The following PLS3 variants were observed in gnomAD, a reference collection of about 807,000 sequenced individuals.
The protein encoded by PLS3 is plastin-3.
PLS3 carries 11 observed loss-of-function variants against 46.5 expected under a neutral mutation model. The observed-to-expected ratio is 0.24, with a 90% CI of 0.15 to 0.39. The LOEUF (loss-of-function observed/expected upper bound fraction) is 0.39, where lower values mean the gene tolerates loss of function less well. Among genes scored for constraint, PLS3 ranks in the 10% least tolerant of loss-of-function variants. PLS3 has a pLI of 1.00. For missense variants in PLS3, 308 were observed against 461.8 expected (o/e 0.67, Z 3.05); for synonymous variants, 167 against 162.2 (o/e 1.03, Z -0.22).
chrX:115,618,532 G>C (rs2074618739), intron 2 of PLS3, among the ~76,000 whole-genome samples: 1 of 111,642 alleles, frequency 9.0e-6, no homozygotes, highest in Admixed American at 9.5e-5. Flanking sequence ...GCTGCAGTGA[G>C]CTATGATTGT....
intron 1 of PLS3, among the ~76,000 whole-genome samples, chrX:115,593,921 A>G (rs1396047815): frequency 3.6e-5 from 4 of 111,031 alleles, no homozygotes; most frequent in Admixed American, 9.6e-5. Flanking sequence ...ATGGGTTTTG[A>G]AATCCTAATT....
At chrX:115,571,254 A>G (rs1298483989) in intron 1 of PLS3, among the ~76,000 whole-genome samples, 2 of 110,737 alleles carry the variant, frequency 1.8e-5, no homozygotes, top group East Asian at 2.9e-4. Context: ...ACAGTGGTTT[A>G]CGCGTGTAAT....
intron 1 of PLS3, among the ~76,000 whole-genome samples, chrX:115,582,173 A>G (rs2074282958): frequency 8.9e-6 from 1 of 112,321 alleles, no homozygotes; most frequent in Non-Finnish European, 1.9e-5. Context: ...GTGAGCCAGG[A>G]CAGTCTGCCT....
intron 1 of PLS3, among the ~76,000 whole-genome samples, chrX:115,588,742 C>T (rs1186544472): frequency 1.8e-5 from 2 of 110,600 alleles, no homozygotes; most frequent in East Asian, 2.8e-4. Context: ...CTATTCCCCT[C>T]TCCTTTCTTT....
At chrX:115,641,969 C>T (rs899694324) in intron 9 of PLS3, among the ~76,000 whole-genome samples, 1 of 108,677 alleles carries the variant, frequency 9.2e-6, no homozygotes, top group East Asian at 2.9e-4. Context: ...ACCCAGGTGC[C>T]TTTGCTCATG....
intron 3 of PLS3, among the ~76,000 whole-genome samples, chrX:115,624,121 C>G (rs78648275): frequency 9.6e-6 from 1 of 103,971 alleles, no homozygotes; most frequent in African/African-American, 3.6e-5. Context: ...CCCAGCTACT[C>G]GGGAGGCTGG....
rs1456145934 is a variant in PLS3 at position 115,590,783 on chromosome X, G to A, written c.-8-19460G>A. Among the ~76,000 whole-genome samples the A allele has an allele frequency of 5.5e-5, 6 of 108,962 alleles. No individual in the cohort carries two copies. In the Admixed American group the frequency reaches 5.9e-4, roughly 11 times the overall value. 94.6% of individuals were successfully genotyped at this position (108,962 alleles called of 115,157 possible). A position where few individuals can be genotyped will look rare whatever the true frequency, so the allele number is the denominator to read the frequency against. ...TGCAGTGAGCTGAGATCGAACCACT[G>A]CACTCCAACCTGGGCGACAGAGCGA... On this transcript the variant is annotated intron_variant, in intron 1 of 15. Transcript: ENST00000355899.
intron 1 of PLS3, among the ~76,000 whole-genome samples, chrX:115,586,072 C>T (rs782259397): frequency 9.3e-6 from 1 of 107,550 alleles, no homozygotes; most frequent in South Asian, 4.3e-4. Flanking sequence ...CAGCAACCTC[C>T]GCCTCCCGGG....
At position 115,645,322 on chromosome X, in the gene PLS3, G is replaced by C. The variant is rs144239730; in HGVS notation, c.1262+223G>C. Among the ~76,000 whole-genome samples, 47 of 110,809 alleles carry C rather than the reference G, an allele frequency of 4.2e-4. No individual in the cohort carries two copies. The Middle Eastern group carries it at 0.014, about 33-fold the overall frequency. On this transcript the variant is annotated intron_variant, in intron 11 of 15. Transcript: ENST00000355899. ...GATAGAATATATAAATGTCTTTATA[G>C]TACCCTAGGGAGCAAATACTTTATA...
At chrX:115,591,964 G>A (rs1390085645) in intron 1 of PLS3, among the ~76,000 whole-genome samples, 1 of 111,849 alleles carries the variant, frequency 8.9e-6, no homozygotes, top group Non-Finnish European at 1.9e-5. Flanking sequence ...TGTGATTGGT[G>A]AAATAAATTA....
intron 1 of PLS3, among the ~76,000 whole-genome samples, chrX:115,581,782 G>A (rs1446142550): frequency 8.9e-6 from 1 of 112,227 alleles, no homozygotes; most frequent in Admixed American, 9.5e-5. Flanking sequence ...CATTATGAAT[G>A]TGGGATTAAG....
At chrX:115,576,127 G>T (rs1449425358) in intron 1 of PLS3, among the ~76,000 whole-genome samples, 7 of 112,220 alleles carry the variant, frequency 6.2e-5, no homozygotes, top group Non-Finnish European at 1.3e-4. Flanking sequence ...GGGCCATAAT[G>T]ATAAGTAAAT....
intron 1 of PLS3, among the ~76,000 whole-genome samples, chrX:115,603,174 A>G (rs2147471693): frequency 9.0e-6 from 1 of 111,722 alleles, no homozygotes; most frequent in African/African-American, 3.3e-5. Context: ...TCATAATTGC[A>G]GTATTGTTAG....
rs1163578692 is a variant in PLS3, at chrX:115,573,093, C to CAA, written c.-9+11849_-9+11850dup. ...GGGTGACAAGAGTGAGACTCCGTCTCAAAAAAAAAAAAAAAAAGAAAAAAG... is the reference window on the plus strand; with the variant it reads ...GGGTGACAAGAGTGAGACTCCGTCTCAAAAAAAAAAAAAAAAAAAGAAAAAAG... On this transcript the variant is annotated intron_variant, in intron 1 of 15. Coordinates refer to ENST00000355899, the MANE Select transcript of PLS3 (RefSeq NM_005032.7). 5.6e-3 allele frequency among the ~76,000 whole-genome samples: 170 copies of CAA among 30,110 alleles called. 5 individuals carry two copies. Among genetic ancestry groups the CAA allele is most frequent in the African/African-American group, 0.015 (160 of 10,522 alleles). 26.1% of individuals were successfully genotyped at this position (30,110 alleles called of 115,157 possible).
intron 1 of PLS3, among the ~76,000 whole-genome samples, chrX:115,595,834 A>G (rs187689764): frequency 1.1e-3 from 123 of 108,186 alleles, no homozygotes; most frequent in African/African-American, 3.9e-3. Context: ...GATTACAGGC[A>G]CCCACCACCA....
intron 1 of PLS3, among the ~76,000 whole-genome samples, chrX:115,600,281 T>C (rs964406286): frequency 1.4e-4 from 15 of 110,018 alleles, no homozygotes; most frequent in African/African-American, 4.3e-4. Context: ...GCCACCATGC[T>C]GGCTGATTTA....
chrX:115,638,170 G>T (rs1444962630), intron 8 of PLS3, among the ~76,000 whole-genome samples: 1 of 110,773 alleles, frequency 9.0e-6, no homozygotes, highest in Non-Finnish European at 1.9e-5. Context: ...GAGTGCAGTG[G>T]CACTATCTCG....
chrX:115,620,134 C>A (rs1199279908), intron 2 of PLS3, among the ~76,000 whole-genome samples: 1 of 110,855 alleles, frequency 9.0e-6, no homozygotes, highest in Non-Finnish European at 1.9e-5. Context: ...ACACGTAGAT[C>A]ACACTTAGAA....
chrX:115,579,354 T>A lies in PLS3; in HGVS notation c.-9+18094T>A, dbSNP rs1045031854. On this transcript the variant is annotated intron_variant, in intron 1 of 15. Coordinates refer to ENST00000355899, the MANE Select transcript of PLS3 (RefSeq NM_005032.7). ...TGGGCCATTTCCAGTTTTTTAGTTA[T>A]CACAAGTATTTGTATACAGGTGTTA... Among the ~76,000 whole-genome samples, 11 of 112,451 alleles carry A rather than the reference T, an allele frequency of 9.8e-5. No homozygotes were observed. In the South Asian group the frequency reaches 2.6e-3, roughly 27 times the overall value.
Sources: allele counts gnomAD v4.1 joint callset (sites outside exome capture counted in the v4.1 genomes callset), GRCh38; gene constraint gnomAD v4.1.1; transcripts MANE v1.5; gene names NCBI Gene and HGNC (gene_info 2026-07-23, HGNC 2026-07-21).